Variants in DPYD observed in about 807,000 individuals in gnomAD.
DPYD encodes the protein dihydropyrimidine dehydrogenase [NADP(+)].
In DPYD, 109 loss-of-function variants were observed where a neutral mutation model predicts 116.2. The ratio of observed to expected loss-of-function variants is 0.94; its 90% CI spans 0.80 to 1.10. DPYD has a LOEUF of 1.10. Ranked by LOEUF, DPYD falls within the 50% of genes least tolerant of loss-of-function variation. The probability of loss-of-function intolerance (pLI) is 0.00; values close to 1 mark genes in which losing one functional copy is unlikely to be tolerated. For missense variants in DPYD, 1,302 were observed against 1,254.5 expected, an observed-to-expected ratio of 1.04 and a Z score of -0.57; for synonymous variants, 440 against 432.0, an observed-to-expected ratio of 1.02 and a Z score of -0.23.
At chr1:97,299,676 A>G (rs1443605591) in intron 18 of DPYD, among the ~76,000 whole-genome samples, 1 of 152,128 alleles carries the variant, frequency 6.6e-6, no homozygotes, top group African/African-American at 2.4e-5. Context: ...ATAAACTGCT[A>G]TTCTGCTGAA....
At position 97,487,531 on chromosome 1, in the gene DPYD, G is replaced by T. The variant is rs542032186; in HGVS notation, c.1740+28195C>A. On this transcript the variant is annotated intron_variant, in intron 13 of 22. Coordinates refer to ENST00000370192, the MANE Select transcript of DPYD (RefSeq NM_000110.4). ...TACTAAAAATACAAAAAATTAGCCG[G>T]GTGTGGTGGCGGGCACCTGTAGTCC... Among the ~76,000 whole-genome samples, 8 of 152,204 alleles carry T rather than the reference G, an allele frequency of 5.3e-5. No homozygotes were observed. In the South Asian group the frequency reaches 1.7e-3, roughly 32 times the overall value.
At chr1:97,215,940 C>T (rs1012273132) in intron 19 of DPYD, among the ~76,000 whole-genome samples, 2 of 152,192 alleles carry the variant, frequency 1.3e-5, no homozygotes, top group Non-Finnish European at 2.9e-5. Flanking sequence ...AGGATCAGAT[C>T]ACCTGCGGTA....
At chr1:97,697,695 A>G (rs1465741248) in intron 6 of DPYD, among the ~76,000 whole-genome samples, 1 of 152,124 alleles carries the variant, frequency 6.6e-6, no homozygotes, top group Non-Finnish European at 1.5e-5. Flanking sequence ...AAAAATGTTC[A>G]GCAAATAAAT....
chr1:97,594,947 C>A, intron 9 of DPYD, 112 bp downstream of exon 9: 4 of 711,888 alleles, frequency 5.6e-6, no homozygotes, highest in Admixed American at 2.4e-5. Context: ...GGGTCTTAGG[C>A]AAGGTTGGGT....
chr1:97,312,858 G>C (rs12085788), intron 16 of DPYD, among the ~76,000 whole-genome samples: 5 of 151,474 alleles, frequency 3.3e-5, no homozygotes, highest in African/African-American at 1.2e-4. Flanking sequence ...TGCTAATATA[G>C]GTAAATTATT....
chr1:97,640,868 T>C (rs1169734458), intron 8 of DPYD, among the ~76,000 whole-genome samples: 4 of 152,192 alleles, frequency 2.6e-5, no homozygotes, highest in Admixed American at 1.3e-4. Flanking sequence ...AAGAAAAGCA[T>C]GACTCATACT....
chr1:97,382,968 A>G (rs1672063371), intron 14 of DPYD, among the ~76,000 whole-genome samples: 1 of 152,212 alleles, frequency 6.6e-6, no homozygotes, highest in Admixed American at 6.5e-5. Context: ...AGTGCATTAT[A>G]GTTTTAAATT....
chr1:97,716,069 G>A (rs974553018), intron 5 of DPYD, among the ~76,000 whole-genome samples: 11 of 151,844 alleles, frequency 7.2e-5, no homozygotes, highest in South Asian at 2.1e-4. Flanking sequence ...GTTTATTATC[G>A]TTTTTAAGCA....
At chr1:97,822,276 T>A (rs567889787) in intron 3 of DPYD, among the ~76,000 whole-genome samples, 1 of 149,016 alleles carries the variant, frequency 6.7e-6, no homozygotes, top group East Asian at 1.9e-4. Context: ...TTTAAATATA[T>A]GTAAATCTGT....
At chr1:97,391,038 T>C (rs977380294) in intron 14 of DPYD, among the ~76,000 whole-genome samples, 4 of 148,452 alleles carry the variant, frequency 2.7e-5, no homozygotes, top group Admixed American at 6.8e-5. Flanking sequence ...AGATACCACT[T>C]ACTTTTCCTC....
At chr1:97,389,117 A>G (rs955481199) in intron 14 of DPYD, among the ~76,000 whole-genome samples, 1 of 151,948 alleles carries the variant, frequency 6.6e-6, no homozygotes, top group Non-Finnish European at 1.5e-5. Flanking sequence ...TGGGTTTGTG[A>G]CTATGAGGAA....
intron 11 of DPYD, among the ~76,000 whole-genome samples, chr1:97,560,532 T>C (rs1469273142): frequency 6.7e-6 from 1 of 150,212 alleles, no homozygotes; most frequent in Non-Finnish European, 1.5e-5. Context: ...AGCAAGGCAT[T>C]ACCTTGCCTT....
At chr1:97,621,035 T>A (rs900984442) in intron 8 of DPYD, among the ~76,000 whole-genome samples, 2 of 152,150 alleles carry the variant, frequency 1.3e-5, no homozygotes, top group Non-Finnish European at 2.9e-5. Context: ...GATGGCCATG[T>A]CAGCACTGCA....
intron 8 of DPYD, among the ~76,000 whole-genome samples, chr1:97,672,252 T>A (rs1289985952): frequency 2.6e-5 from 4 of 152,184 alleles, no homozygotes; most frequent in Non-Finnish European, 4.4e-5. Flanking sequence ...TCCTCAATAC[T>A]TCTAAAGATG....
chr1:97,441,664 T>C (rs1675805290), intron 14 of DPYD, among the ~76,000 whole-genome samples: 1 of 152,234 alleles, frequency 6.6e-6, no homozygotes, highest in South Asian at 2.1e-4. Context: ...CTAGGATGGT[T>C]TTAATCTATA....
intron 8 of DPYD, among the ~76,000 whole-genome samples, chr1:97,672,135 C>G (rs1187373222): frequency 6.6e-6 from 1 of 151,852 alleles, no homozygotes; most frequent in African/African-American, 2.4e-5. Context: ...AAATAGACTT[C>G]TCTGTCTATC....
At chr1:97,892,595 C>T (rs750554701) in intron 1 of DPYD, among the ~76,000 whole-genome samples, 11 of 151,808 alleles carry the variant, frequency 7.2e-5, no homozygotes, top group Non-Finnish European at 1.5e-4. Flanking sequence ...CCATGGTAAT[C>T]AGTCCTGGTC....
chr1:97,268,899 C>T (rs79880567), intron 18 of DPYD, among the ~76,000 whole-genome samples: 6,171 of 152,242 alleles, frequency 0.041, 157 homozygotes, highest in Middle Eastern at 0.11. Context: ...AGTATTCCCT[C>T]CTGAACACAT....
chr1:97,378,895 C>G (rs897471875), intron 15 of DPYD, among the ~76,000 whole-genome samples: 1 of 152,156 alleles, frequency 6.6e-6, no homozygotes, highest in African/African-American at 2.4e-5. Context: ...AAAACACAGA[C>G]AGAGGTAGAT....
Sources: allele counts gnomAD v4.1 joint callset (sites outside exome capture counted in the v4.1 genomes callset), GRCh38; gene constraint gnomAD v4.1.1; transcripts MANE v1.5; gene names NCBI Gene and HGNC (gene_info 2026-07-23, HGNC 2026-07-21).